NEDD4L: variants seen among roughly 807,000 people sequenced by gnomAD.
NEDD4L encodes E3 ubiquitin-protein ligase NEDD4-like.
Under a neutral mutation model 148.9 loss-of-function variants are expected in NEDD4L, and 54 were observed. The observed-to-expected ratio is 0.36, with a 90% CI of 0.29 to 0.45. NEDD4L has a LOEUF of 0.45. Ranked by LOEUF, NEDD4L falls within the 20% of genes least tolerant of loss-of-function variation. The pLI is 1.00. For missense variants in NEDD4L, 856 were observed against 1,233.8 expected (o/e 0.69, Z 4.59); for synonymous variants, 433 against 440.7 (o/e 0.98, Z 0.22).
At chr18:58,068,137 T>G (rs2082695932) in intron 1 of NEDD4L, among the ~76,000 whole-genome samples, 1 of 151,940 alleles carries the variant, frequency 6.6e-6, no homozygotes, top group African/African-American at 2.4e-5. Flanking sequence ...TTTTTTTTTC[T>G]TAAAGATGAG....
intron 24 of NEDD4L, among the ~76,000 whole-genome samples, chr18:58,379,551 T>A (rs189069027): frequency 1.1e-4 from 16 of 152,278 alleles, no homozygotes; most frequent in Admixed American, 6.5e-4. Flanking sequence ...GGAATCTGTG[T>A]GCCTGGAGGC....
intron 19 of NEDD4L, among the ~76,000 whole-genome samples, chr18:58,361,416 A>G (rs1242033107): frequency 1.3e-5 from 2 of 152,250 alleles, no homozygotes; most frequent in African/African-American, 4.8e-5. Context: ...CATGAACACT[A>G]TCTCATGTTG....
chr18:58,228,054 C>G (rs1024846004), intron 2 of NEDD4L: 1 of 162,500 alleles, frequency 6.2e-6, no homozygotes. Flanking sequence ...CCATAAATCT[C>G]AAGATTTACC....
Position 58,056,907 on chromosome 18 carries a change from T to TTG in NEDD4L, c.48+12200_48+12201insGT, listed in dbSNP as rs1555677527. ...GAGCTATGCCCTCTTTTTTTTTTTT[T>TTG]TTTGTTTGTTTGTTTATAACTGTGT... On this transcript the variant is annotated intron_variant, in intron 1 of 30. Transcript: ENST00000400345. Among the ~76,000 whole-genome samples the TTG allele has an allele frequency of 2.4e-3, 360 of 148,158 alleles. 1 individual carries two copies. Among genetic ancestry groups the TTG allele is most frequent in the African/African-American group, 8.2e-3 (327 of 39,782 alleles).
rs888873800 is a variant in NEDD4L, at chr18:58,044,609, C to T, written c.-52C>T. The T allele has an allele frequency of 4.0e-4, 615 of 1,551,554 alleles. 4 individuals carry two copies. Among genetic ancestry groups the T allele is most frequent in the Non-Finnish European group, 5.5e-5 (63 of 1,150,016 alleles). ...CAGAGGGGAGAACCGGCCGTCCGCG[C>T]CGCAGCACAGCCGCTGGGAGCGCCT... On this transcript the variant is annotated 5_prime_UTR_variant, in exon 1 of 31. Coordinates refer to ENST00000400345, the MANE Select transcript of NEDD4L (RefSeq NM_001144967.3).
At chr18:58,291,145 C>T (rs1016516364) in intron 5 of NEDD4L, among the ~76,000 whole-genome samples, 3 of 149,330 alleles carry the variant, frequency 2.0e-5, no homozygotes, top group African/African-American at 7.3e-5. Flanking sequence ...GAGAACCAGG[C>T]CGACCAGCCC....
At chr18:58,094,160 C>G (rs1182772716) in intron 1 of NEDD4L, among the ~76,000 whole-genome samples, 4 of 151,524 alleles carry the variant, frequency 2.6e-5, no homozygotes, top group African/African-American at 9.7e-5. Flanking sequence ...CCTGGGACTC[C>G]TGCACCCCCT....
intron 1 of NEDD4L, among the ~76,000 whole-genome samples, chr18:58,138,810 C>T (rs767674072): frequency 2.0e-5 from 3 of 152,228 alleles, no homozygotes; most frequent in Non-Finnish European, 4.4e-5. Context: ...AGGGCGCCAT[C>T]CTCATGACCT....
At chr18:58,332,598 C>T (rs887866153) in intron 11 of NEDD4L, among the ~76,000 whole-genome samples, 7 of 152,068 alleles carry the variant, frequency 4.6e-5, no homozygotes, top group Admixed American at 2.0e-4. Context: ...CAGTGAGCCA[C>T]GATTGCGCCA....
At chr18:58,368,773 G>A (rs538302969) in intron 22 of NEDD4L, among the ~76,000 whole-genome samples, 19 of 151,610 alleles carry the variant, frequency 1.3e-4, no homozygotes, top group Admixed American at 3.3e-4. Context: ...GTAGCAGGGC[G>A]ACAGTAAACA....
At chr18:58,169,294 C>T (rs1330453056) in intron 2 of NEDD4L, among the ~76,000 whole-genome samples, 1 of 152,200 alleles carries the variant, frequency 6.6e-6, no homozygotes, top group Non-Finnish European at 1.5e-5. Context: ...GAGCAGTTGG[C>T]CCGCGTGGGA....
At chr18:58,352,028 G>C (rs1387860623) in intron 18 of NEDD4L, among the ~76,000 whole-genome samples, 1 of 152,138 alleles carries the variant, frequency 6.6e-6, no homozygotes, top group Non-Finnish European at 1.5e-5. Context: ...TCAGGCCCTG[G>C]GGGTTGAGGG....
At chr18:58,391,377 C>T (rs2049818766) in intron 29 of NEDD4L, 110 bp from the exon 30 acceptor site, 1 of 828,848 alleles carries the variant, frequency 1.2e-6, no homozygotes. Flanking sequence ...TCTTGGGCCT[C>T]ACCCCTGGGG....
In NEDD4L at chr18:58,343,114, T is replaced by C. The variant is rs1354163282; in HGVS notation, c.1575+11T>C. On this transcript the variant is annotated intron_variant, in intron 16 of 30. Coordinates refer to ENST00000400345, the MANE Select transcript of NEDD4L (RefSeq NM_001144967.3). Reference sequence around the variant, plus strand: ...AAGACTACAACCTGGGTAAGGCTGCTGCTTTTATTTGGCTCCATTTTCATC... The same window carrying C: ...AAGACTACAACCTGGGTAAGGCTGCCGCTTTTATTTGGCTCCATTTTCATC... 1 of 1,568,782 alleles carries C rather than the reference T, an allele frequency of 6.4e-7. No homozygotes were observed. Among genetic ancestry groups the C allele is most frequent in the Admixed American group, 1.8e-5 (1 of 54,190 alleles).
chr18:58,094,058 T>A (rs971715047), intron 1 of NEDD4L, among the ~76,000 whole-genome samples: 2 of 152,066 alleles, frequency 1.3e-5, no homozygotes, highest in African/African-American at 4.8e-5. Context: ...CATAAGTCAC[T>A]CTCTACTACC....
At chr18:58,104,739 C>T (rs78284842) in intron 1 of NEDD4L, among the ~76,000 whole-genome samples, 11,071 of 152,166 alleles carry the variant, frequency 0.073, 537 homozygotes, top group Non-Finnish European at 0.11. Flanking sequence ...AGAACAATTG[C>T]ATTTTTTCCT....
chr18:58,211,684 A>G (rs2042619015), intron 2 of NEDD4L, among the ~76,000 whole-genome samples: 1 of 152,222 alleles, frequency 6.6e-6, no homozygotes, highest in Non-Finnish European at 1.5e-5. Context: ...CAAGACAAAT[A>G]TGGAAAAGAA....
chr18:58,044,584 C>G lies in NEDD4L; in HGVS notation c.-77C>G. On this transcript the variant is annotated 5_prime_UTR_variant, in exon 1 of 31. Transcript: ENST00000400345. ...GTGCGGGACCGGGGGGACCTGGAGG[C>G]AGAGGGGAGAACCGGCCGTCCGCGC... 3 of 1,471,860 alleles carry G rather than the reference C, an allele frequency of 2.0e-6. No homozygotes were observed. Among genetic ancestry groups the G allele is most frequent in the Non-Finnish European group, 2.7e-6 (3 of 1,109,366 alleles). 91.2% of individuals were successfully genotyped at this position (1,471,860 alleles called of 1,614,324 possible).
chr18:58,153,223 A>C (rs1599149987), intron 1 of NEDD4L, among the ~76,000 whole-genome samples: 1 of 108,678 alleles, frequency 9.2e-6, no homozygotes, highest in South Asian at 3.1e-4. Context: ...TCTTGGAAAC[A>C]GAACACACAG....
Sources: gnomAD v4.1 joint callset for allele counts (sites outside exome capture counted in the v4.1 genomes callset) on GRCh38, gnomAD v4.1.1 for gene constraint, MANE v1.5 for transcripts, NCBI Gene and HGNC (gene_info 2026-07-23, HGNC 2026-07-21) for gene names.